Variants in FBXL13 observed in about 807,000 individuals in gnomAD.
FBXL13 encodes the protein F-box and leucine-rich repeat protein 13.
Under a neutral mutation model 83.6 loss-of-function variants are expected in FBXL13, and 67 were observed. That is an observed-to-expected ratio of 0.80 (90% confidence interval 0.66 to 0.98). FBXL13 has a LOEUF of 0.98. FBXL13 is among the 50% of genes least tolerant of loss of function. The pLI is 0.00. For synonymous variants in FBXL13, 272 were observed against 299.5 expected (o/e 0.91, Z 0.95); for missense variants, 822 against 866.5 (o/e 0.95, Z 0.64).
intron 8 of FBXL13, among the ~76,000 whole-genome samples, chr7:102,943,723 A>G (rs1821917582): frequency 6.6e-6 from 1 of 152,244 alleles, no homozygotes; most frequent in African/African-American, 2.4e-5. Flanking sequence ...CAGGACAAGC[A>G]ATAACGAATC....
chr7:103,040,652 T>G (rs922834386), intron 2 of FBXL13, among the ~76,000 whole-genome samples: 1 of 152,080 alleles, frequency 6.6e-6, no homozygotes, highest in African/African-American at 2.4e-5. Flanking sequence ...ATCAAATTAG[T>G]ACTCAGGATT....
rs1406391364 is a variant in FBXL13 at position 102,977,775 on chromosome 7, A to T, written c.496-9658T>A. Reference sequence around the variant, plus strand: ...ATGGAATACTATGCAGCCATAAAAAATGATGAGTTCATGTCCTTTGTAGGG... The same window carrying T: ...ATGGAATACTATGCAGCCATAAAAATTGATGAGTTCATGTCCTTTGTAGGG... On this transcript the variant is annotated intron_variant, in intron 6 of 19. Transcript: ENST00000313221. Among the ~76,000 whole-genome samples, 5 of 152,236 alleles carry T rather than the reference A, an allele frequency of 3.3e-5. No individual in the cohort carries two copies. In the East Asian group the frequency reaches 9.6e-4, roughly 29 times the overall value.
chr7:102,906,919 T>C (rs1477395484), intron 11 of FBXL13, among the ~76,000 whole-genome samples: 1 of 152,156 alleles, frequency 6.6e-6, no homozygotes, highest in Non-Finnish European at 1.5e-5. Context: ...TCTGGTATTA[T>C]CCCTTTGGTT....
chr7:103,006,266 A>G (rs1790978923), intron 6 of FBXL13, among the ~76,000 whole-genome samples: 1 of 152,212 alleles, frequency 6.6e-6, no homozygotes, highest in Non-Finnish European at 1.5e-5. Flanking sequence ...GAGCTTGAGA[A>G]ATACACATAT....
At chr7:102,867,695 ATTTTTTTTTTT>A (rs1205859622) in intron 16 of FBXL13, among the ~76,000 whole-genome samples, 3 of 49,056 alleles carry the variant, frequency 6.1e-5, no homozygotes, top group African/African-American at 3.7e-4. Context: ...ATATATATAT[ATTTTTTTTTTT>A]TTTTTTTTTT....
chr7:102,949,271 T>A (rs1823035951), intron 8 of FBXL13, among the ~76,000 whole-genome samples: 1 of 152,184 alleles, frequency 6.6e-6, no homozygotes. Context: ...CTGAGAATTT[T>A]TTTTTAACTT....
At chr7:102,865,292 T>C (rs1584691693) in intron 16 of FBXL13, among the ~76,000 whole-genome samples, 2 of 152,364 alleles carry the variant, frequency 1.3e-5, no homozygotes, top group Admixed American at 1.3e-4. Context: ...TGTTTGGTAT[T>C]GCATACTGCA....
chr7:102,948,710 C>T (rs1822934944), intron 8 of FBXL13, among the ~76,000 whole-genome samples: 1 of 150,874 alleles, frequency 6.6e-6, no homozygotes, highest in Admixed American at 6.6e-5. Flanking sequence ...GTGTGAGCCA[C>T]CACGCCCAGC....
At chr7:103,018,272 A>G (rs1792631604) in intron 6 of FBXL13, among the ~76,000 whole-genome samples, 2 of 152,126 alleles carry the variant, frequency 1.3e-5, no homozygotes, top group South Asian at 2.1e-4. Flanking sequence ...ACAAGCAAAT[A>G]CTGAGAGATT....
chr7:102,846,553 T>G (rs1803999055), intron 17 of FBXL13, among the ~76,000 whole-genome samples: 1 of 146,152 alleles, frequency 6.8e-6, no homozygotes, highest in Admixed American at 6.8e-5. Context: ...CGGAAGGAGG[T>G]TGCAGTGAGC....
chr7:102,850,003 GTTTT>G (rs992252292), intron 17 of FBXL13, among the ~76,000 whole-genome samples: 1 of 149,236 alleles, frequency 6.7e-6, no homozygotes, highest in Admixed American at 6.7e-5. Context: ...GTTTTGTTTT[GTTTT>G]TTTAGAAAAA....
At chr7:102,941,644 A>T (rs1821465006) in intron 8 of FBXL13, among the ~76,000 whole-genome samples, 1 of 152,244 alleles carries the variant, frequency 6.6e-6, no homozygotes, top group South Asian at 2.1e-4. Context: ...AGCAAAAGCC[A>T]TTCCAAAGGT....
rs562399561 is a variant in FBXL13, at chr7:103,021,566, A to C, written c.495+3497T>G. On this transcript the variant is annotated intron_variant, in intron 6 of 19. Coordinates refer to ENST00000313221, the Ensembl canonical transcript of FBXL13. ...CAGGCAACCTACAGAATGGGAGAAA[A>C]TTTTTGCAATCTACTGATCTGGCAA... 1.5e-3 allele frequency among the ~76,000 whole-genome samples: 225 copies of C among 152,348 alleles called. 2 individuals are homozygous for C. Among genetic ancestry groups the C allele is most frequent in the South Asian group, 2.5e-3 (12 of 4,824 alleles).
intron 16 of FBXL13, among the ~76,000 whole-genome samples, chr7:102,858,946 T>C (rs1806413729): frequency 6.6e-6 from 1 of 152,170 alleles, no homozygotes; most frequent in African/African-American, 2.4e-5. Context: ...CAAACAAACA[T>C]ACTAAAAACC....
chr7:102,998,765 G>A (rs1790083577), intron 6 of FBXL13, among the ~76,000 whole-genome samples: 1 of 151,854 alleles, frequency 6.6e-6, no homozygotes, highest in Non-Finnish European at 1.5e-5. Flanking sequence ...CCAGGAATTC[G>A]AGACTAGCCT....
At chr7:102,855,560 A>G (rs17136122) in intron 16 of FBXL13, among the ~76,000 whole-genome samples, 8,112 of 152,164 alleles carry the variant, frequency 0.053, 284 homozygotes, top group East Asian at 0.12. Context: ...CTGTTTTTCA[A>G]TCAGGATCAC....
At chr7:102,827,018 C>G (rs1799855490) in intron 18 of FBXL13, 1 of 383,706 alleles carries the variant, frequency 2.6e-6, no homozygotes, top group African/African-American at 2.0e-5. Flanking sequence ...TTTGCAGCTA[C>G]TGTCAGCAAG....
At chr7:102,943,409 A>T (rs1265528265) in intron 8 of FBXL13, among the ~76,000 whole-genome samples, 1 of 152,172 alleles carries the variant, frequency 6.6e-6, no homozygotes, top group African/African-American at 2.4e-5. Flanking sequence ...AGTAAAACTA[A>T]TCAAGGGAAA....
chr7:103,058,327 C>G (rs879845218), intron 1 of FBXL13, among the ~76,000 whole-genome samples: 5 of 152,172 alleles, frequency 3.3e-5, no homozygotes, highest in Admixed American at 1.3e-4. Flanking sequence ...TTCCTTTTCC[C>G]CCAAACCAAG....
Sources: allele counts gnomAD v4.1 joint callset (sites outside exome capture counted in the v4.1 genomes callset), GRCh38; gene constraint gnomAD v4.1.1; transcripts MANE v1.5; gene names NCBI Gene and HGNC (gene_info 2026-07-23, HGNC 2026-07-21).